The following TNNI3K variants were observed in gnomAD, a reference collection of about 807,000 sequenced individuals.
TNNI3K encodes the protein serine/threonine-protein kinase TNNI3K.
TNNI3K carries 140 observed loss-of-function variants against 114.5 expected under a neutral mutation model. The ratio of observed to expected loss-of-function variants is 1.22; its 90% CI spans 1.07 to 1.41. The LOEUF (loss-of-function observed/expected upper bound fraction) is 1.41. TNNI3K is among the 40% of genes most tolerant of loss of function. TNNI3K has a pLI of 0.00. For synonymous variants in TNNI3K, 347 were observed against 347.5 expected (o/e 1.00, Z 0.02); for missense variants, 1,125 against 1,007.6 (o/e 1.12, Z -1.58).
rs542018143 is a variant in TNNI3K, at chr1:74,272,287, A to G, written c.444+579A>G. Among the ~76,000 whole-genome samples, 22 of 152,058 alleles carry G rather than the reference A, an allele frequency of 1.4e-4. No homozygotes were observed. In the South Asian group the frequency reaches 4.6e-3, roughly 32 times the overall value. On this transcript the variant is annotated intron_variant, in intron 5 of 24. Transcript: ENST00000326637. ...AGTTTAGCTGTAAAGAATAAAATAG[A>G]CAATAAAGACAAGAAAATATTACAT...
chr1:74,348,307 T>C (rs1455750345), intron 9 of TNNI3K, among the ~76,000 whole-genome samples: 4 of 152,242 alleles, frequency 2.6e-5, no homozygotes, highest in East Asian at 1.9e-4. Flanking sequence ...CAGATAGTTG[T>C]AGATAAGCAG....
chr1:74,293,130 C>A (rs1657781194), intron 5 of TNNI3K, among the ~76,000 whole-genome samples: 1 of 151,292 alleles, frequency 6.6e-6, no homozygotes, highest in Non-Finnish European at 1.5e-5. Flanking sequence ...TTTATTCTAC[C>A]CTAGACAGAT....
intron 4 of TNNI3K, among the ~76,000 whole-genome samples, chr1:74,259,182 A>G (rs890568078): frequency 6.6e-6 from 1 of 152,180 alleles, no homozygotes; most frequent in Admixed American, 6.5e-5. Flanking sequence ...GAACTGGCTC[A>G]CACTATTATG....
At chr1:74,270,541 G>T (rs1260154056) in intron 4 of TNNI3K, among the ~76,000 whole-genome samples, 1 of 151,786 alleles carries the variant, frequency 6.6e-6, no homozygotes, top group African/African-American at 2.4e-5. Flanking sequence ...TTTACTATTT[G>T]TAGCTCTTTA....
chr1:74,360,846 T>C (rs1364192778), intron 11 of TNNI3K, among the ~76,000 whole-genome samples: 1 of 152,102 alleles, frequency 6.6e-6, no homozygotes, highest in African/African-American at 2.4e-5. Context: ...CACTTTATAC[T>C]GAAACACTCT....
chr1:74,417,437 A>G (rs1037991026), intron 17 of TNNI3K, among the ~76,000 whole-genome samples: 1 of 152,104 alleles, frequency 6.6e-6, no homozygotes, highest in Admixed American at 6.6e-5. Flanking sequence ...GGCCTGGCCA[A>G]AACTTACTTA....
At chr1:74,372,055 A>G (rs1190667656) in intron 17 of TNNI3K, 2 of 150,640 alleles carry the variant, frequency 1.3e-5, no homozygotes, top group Non-Finnish European at 3.0e-5. Context: ...TCCTGAATAC[A>G]TACTCCAATT....
chr1:74,337,523 A>C (rs556183618), intron 7 of TNNI3K, among the ~76,000 whole-genome samples: 12 of 152,268 alleles, frequency 7.9e-5, no homozygotes, highest in Middle Eastern at 3.4e-3. Flanking sequence ...TAGATGAATT[A>C]GATGTCTTCA....
At chr1:74,417,832 G>A (rs574494320) in intron 17 of TNNI3K, among the ~76,000 whole-genome samples, 2 of 151,950 alleles carry the variant, frequency 1.3e-5, no homozygotes, top group Non-Finnish European at 2.9e-5. Flanking sequence ...AGAATACTAT[G>A]TGTACTCATT....
At chr1:74,299,006 A>T (rs1300436954) in intron 5 of TNNI3K, among the ~76,000 whole-genome samples, 3 of 152,160 alleles carry the variant, frequency 2.0e-5, no homozygotes, top group Admixed American at 1.3e-4. Context: ...AAGATATATC[A>T]TCTGAAACTC....
chr1:74,353,849 T>C (rs1661516927), intron 10 of TNNI3K, 131 bp from the exon 11 acceptor site: 2 of 1,315,274 alleles, frequency 1.5e-6, no homozygotes, highest in Non-Finnish European at 1.0e-6. Flanking sequence ...ATTAGTTCTT[T>C]ATCAAAGAAA....
intron 17 of TNNI3K, among the ~76,000 whole-genome samples, chr1:74,379,997 A>G (rs1663117280): frequency 6.6e-6 from 1 of 152,148 alleles, no homozygotes; most frequent in African/African-American, 2.4e-5. Context: ...AAATTCCCTT[A>G]GACACACTCC....
chr1:74,428,224 T>C (rs1423544520), intron 17 of TNNI3K, among the ~76,000 whole-genome samples: 1 of 152,108 alleles, frequency 6.6e-6, no homozygotes, highest in African/African-American at 2.4e-5. Context: ...TAAATTCCTT[T>C]TCTCTAACCT....
chr1:74,314,552 G>A (rs1266618559), intron 5 of TNNI3K, among the ~76,000 whole-genome samples: 1 of 152,050 alleles, frequency 6.6e-6, no homozygotes, highest in East Asian at 1.9e-4. Flanking sequence ...TGGGGGTGTG[G>A]ACAATTTCAA....
chr1:74,331,588 T>G (rs372670477), intron 6 of TNNI3K, 40 bp downstream of exon 6: 1 of 1,559,282 alleles, frequency 6.4e-7, no homozygotes, highest in South Asian at 1.2e-5. Flanking sequence ...TAGGTGTTGC[T>G]TAAGTGTAGG....
At chr1:74,306,708 A>T (rs1009711588) in intron 5 of TNNI3K, among the ~76,000 whole-genome samples, 1 of 152,116 alleles carries the variant, frequency 6.6e-6, no homozygotes, top group Non-Finnish European at 1.5e-5. Context: ...TGCTTTGCCT[A>T]CTTTTTAATG....
At chr1:74,525,283 G>A (rs547031280) in intron 23 of TNNI3K, among the ~76,000 whole-genome samples, 13 of 152,304 alleles carry the variant, frequency 8.5e-5, no homozygotes, top group East Asian at 7.7e-4. Flanking sequence ...AGCGCTTTGC[G>A]TGTATACCAT....
intron 17 of TNNI3K, chr1:74,375,565 A>C: frequency 2.2e-6 from 1 of 455,356 alleles, no homozygotes; most frequent in South Asian, 1.6e-5. Context: ...TATTTTGCAG[A>C]TGCTGTACAG....
chr1:74,281,541 A>G (rs1423651102), intron 5 of TNNI3K, among the ~76,000 whole-genome samples: 2 of 152,122 alleles, frequency 1.3e-5, no homozygotes, highest in African/African-American at 4.8e-5. Flanking sequence ...GGGAAATTTA[A>G]TGTCCCCATT....
Sources: allele counts gnomAD v4.1 joint callset (sites outside exome capture counted in the v4.1 genomes callset), GRCh38; gene constraint gnomAD v4.1.1; transcripts MANE v1.5; gene names NCBI Gene and HGNC (gene_info 2026-07-23, HGNC 2026-07-21).